LYZL4: variants seen among roughly 807,000 people sequenced by gnomAD.
LYZL4 encodes the protein lysozyme-like protein 4.
LYZL4 carries 13 observed loss-of-function variants against 17.6 expected under a neutral mutation model. That is an observed-to-expected ratio of 0.74 (90% CI 0.48 to 1.18). LYZL4 has a LOEUF of 1.18. Among genes scored for constraint, LYZL4 ranks in the 50% most tolerant of loss-of-function variants. LYZL4 has a pLI of 0.00. For synonymous variants in LYZL4, 64 were observed against 67.7 expected (o/e 0.95, Z 0.27); for missense variants, 174 against 188.2 (o/e 0.92, Z 0.44).
At chr3:42,385,706 C>G in the LYZL4 span, among the ~76,000 whole-genome samples, 1 of 152,168 alleles carries the variant, frequency 6.6e-6, no homozygotes, top group Admixed American at 6.5e-5. Context: ...GCCCTGTGGA[C>G]TCTAAGTTAT....
chr3:42,394,713 C>T (rs548702190), downstream of LYZL4, among the ~76,000 whole-genome samples: 1 of 152,108 alleles, frequency 6.6e-6, no homozygotes, highest in African/African-American at 2.4e-5. Flanking sequence ...TTGGGCAACC[C>T]GAGAGAGGCT....
Position 42,397,263 on chromosome 3 carries a change from G to A in LYZL4, c.*2C>T, listed in dbSNP as rs767903465. Reference sequence around the variant, plus strand: ...TGAGTGCTGCAGGGGCCATGCAGGTGGCTACAGCTTGCAACCATCCAGCCA... The same window carrying A: ...TGAGTGCTGCAGGGGCCATGCAGGTAGCTACAGCTTGCAACCATCCAGCCA... On this transcript the variant is annotated 3_prime_UTR_variant, in exon 5 of 5. Coordinates refer to ENST00000287748, the MANE Select transcript of LYZL4 (RefSeq NM_144634.4). 10 of 1,560,322 alleles carry A rather than the reference G, an allele frequency of 6.4e-6. 1 individual carries two copies. In the African/African-American group the frequency reaches 1.1e-4, roughly 17 times the overall value.
the LYZL4 span, among the ~76,000 whole-genome samples, chr3:42,365,550 C>CA: frequency 6.6e-6 from 1 of 152,160 alleles, no homozygotes; most frequent in African/African-American, 2.4e-5. Flanking sequence ...TGCAAATCGG[C>CA]AAGGTCAACC....
intron 4 of LYZL4, among the ~76,000 whole-genome samples, chr3:42,402,622 C>T (rs1299954819): frequency 2.0e-5 from 3 of 152,212 alleles, no homozygotes; most frequent in Admixed American, 6.5e-5. Flanking sequence ...AATTACCAAG[C>T]GTGGTTGAGA....
At chr3:42,378,915 G>A in the LYZL4 span, among the ~76,000 whole-genome samples, 48 of 152,160 alleles carry the variant, frequency 3.2e-4, 1 homozygote, top group South Asian at 8.1e-3. Context: ...GATGTCACAG[G>A]TGGCCCAAAA....
At chr3:42,407,881 C>T (rs181441483) in intron 1 of LYZL4, among the ~76,000 whole-genome samples, 60 of 152,182 alleles carry the variant, frequency 3.9e-4, no homozygotes, top group Admixed American at 8.5e-4. Flanking sequence ...CTGCCGTCCA[C>T]GCAATGAGAC....
chr3:42,388,351 AAAC>A, the LYZL4 span, among the ~76,000 whole-genome samples: 24 of 152,336 alleles, frequency 1.6e-4, no homozygotes, highest in African/African-American at 4.8e-4. Flanking sequence ...AATGACAAAC[AAAC>A]AACAACAAAA....
chr3:42,409,350 C>T (rs981196867), intron 1 of LYZL4, among the ~76,000 whole-genome samples: 1 of 152,202 alleles, frequency 6.6e-6, no homozygotes, highest in African/African-American at 2.4e-5. Context: ...CCCTTTTATA[C>T]TGATGTATCA....
intron 4 of LYZL4, among the ~76,000 whole-genome samples, chr3:42,398,464 A>G (rs1698594736): frequency 6.6e-6 from 1 of 152,226 alleles, no homozygotes; most frequent in Non-Finnish European, 1.5e-5. Flanking sequence ...TATGAAAGGT[A>G]TTTCAAACAC....
At chr3:42,381,946 T>C in the LYZL4 span, among the ~76,000 whole-genome samples, 91,159 of 152,040 alleles carry the variant, frequency 0.6, 28,430 homozygotes, top group East Asian at 0.84. Flanking sequence ...AAACTGTAGC[T>C]TTCTGTGAGG....
chr3:42,384,761 T>C, the LYZL4 span, among the ~76,000 whole-genome samples: 1 of 151,996 alleles, frequency 6.6e-6, no homozygotes, highest in Non-Finnish European at 1.5e-5. Flanking sequence ...AAGTTAAAGG[T>C]GCATTATACT....
the LYZL4 span, among the ~76,000 whole-genome samples, chr3:42,389,916 C>T: frequency 6.6e-6 from 1 of 152,046 alleles, no homozygotes; most frequent in African/African-American, 2.4e-5. Context: ...GAAAAAGCTC[C>T]GACAAAGTTC....
chr3:42,393,600 T>A (rs1698516700), downstream of LYZL4, among the ~76,000 whole-genome samples: 1 of 152,158 alleles, frequency 6.6e-6, no homozygotes, highest in South Asian at 2.1e-4. Flanking sequence ...CCAGGAACGA[T>A]CCCTGTGACT....
the LYZL4 span, among the ~76,000 whole-genome samples, chr3:42,375,384 G>T: frequency 6.6e-6 from 1 of 152,206 alleles, no homozygotes; most frequent in African/African-American, 2.4e-5. Context: ...TTTACCTAAA[G>T]ACAGTCAAAA....
chr3:42,373,618 T>C, the LYZL4 span, among the ~76,000 whole-genome samples: 2 of 152,046 alleles, frequency 1.3e-5, no homozygotes, highest in African/African-American at 2.4e-5. Context: ...TTGCCGGCAA[T>C]GACTACAGAT....
the LYZL4 span, among the ~76,000 whole-genome samples, chr3:42,371,558 G>C: frequency 6.6e-6 from 1 of 152,328 alleles, no homozygotes; most frequent in South Asian, 2.1e-4. Flanking sequence ...CTTGTCCAAA[G>C]ATGAAGTTGG....
At chr3:42,369,149 C>A in the LYZL4 span, among the ~76,000 whole-genome samples, 1 of 152,330 alleles carries the variant, frequency 6.6e-6, no homozygotes, top group South Asian at 2.1e-4. Flanking sequence ...ATCTGTGGGG[C>A]TTAGAAAAGC....
downstream of LYZL4, among the ~76,000 whole-genome samples, chr3:42,393,438 C>T (rs558163946): frequency 1.3e-4 from 20 of 152,188 alleles, no homozygotes; most frequent in Admixed American, 3.9e-4. Flanking sequence ...GGGAAGCAGG[C>T]GAAGGGCCCA....
chr3:42,386,327 T>C, the LYZL4 span, among the ~76,000 whole-genome samples: 4 of 148,618 alleles, frequency 2.7e-5, no homozygotes, highest in Non-Finnish European at 5.9e-5. Flanking sequence ...GGTCTTGAAC[T>C]CCTGACCTCA....
Sources: allele counts gnomAD v4.1 joint callset (sites outside exome capture counted in the v4.1 genomes callset), GRCh38; gene constraint gnomAD v4.1.1; transcripts MANE v1.5; gene names NCBI Gene and HGNC (gene_info 2026-07-23, HGNC 2026-07-21).